Variants in SEMA4F observed in about 807,000 individuals in gnomAD.
SEMA4F encodes the protein ssemaphorin 4F, also known as semaphorin-4F.
SEMA4F carries 51 observed loss-of-function variants against 78.4 expected under a neutral mutation model. The observed-to-expected ratio is 0.65, with a 90% CI of 0.52 to 0.82. The LOEUF (loss-of-function observed/expected upper bound fraction) is 0.82. Ranked by LOEUF, SEMA4F falls within the 40% of genes least tolerant of loss-of-function variation. SEMA4F has a pLI of 0.00. For synonymous variants in SEMA4F, 418 were observed against 408.7 expected, an observed-to-expected ratio of 1.02 and a Z score of -0.27; for missense variants, 938 against 1,014.4, an observed-to-expected ratio of 0.92 and a Z score of 1.02.
the SEMA4F span, among the ~76,000 whole-genome samples, chr2:74,705,892 A>G: frequency 6.6e-6 from 1 of 152,164 alleles, no homozygotes; most frequent in African/African-American, 2.4e-5. Context: ...TAAAGTTTCA[A>G]AAGATATGTA....
At chr2:74,686,944 G>A (rs1051380639), downstream of SEMA4F, among the ~76,000 whole-genome samples, 2 of 151,462 alleles carry the variant, frequency 1.3e-5, no homozygotes, top group African/African-American at 4.9e-5. Context: ...TGAGTTGATG[G>A]GTGCAGCAAA....
At chr2:74,660,477 C>T (rs1166357933) in intron 4 of SEMA4F, among the ~76,000 whole-genome samples, 1 of 152,250 alleles carries the variant, frequency 6.6e-6, no homozygotes, top group African/African-American at 2.4e-5. Flanking sequence ...AGGACCAGTT[C>T]CAACCCATAG....
Position 74,680,860 on chromosome 2 carries a change from C to G in SEMA4F, c.*651C>G, listed in dbSNP as rs963076994. On this transcript the variant is annotated 3_prime_UTR_variant, in exon 14 of 14. Transcript: ENST00000357877. ...ACAATTGGAATGGGGGCGTTGCCTG[C>G]AGAACTTTAGACCCTGTAGCCATAG... The G allele has an allele frequency of 1.3e-5, 2 of 152,188 alleles. No individual in the cohort carries two copies. The highest frequency in any genetic ancestry group is 2.9e-5 in the Non-Finnish European group (2 of 68,062). The allele number at this position is 152,188 out of a possible 1,614,324, so 9.4% of individuals were successfully genotyped here.
chr2:74,691,558 C>A, the SEMA4F span, among the ~76,000 whole-genome samples: 3 of 152,312 alleles, frequency 2.0e-5, no homozygotes, highest in Non-Finnish European at 4.4e-5. Flanking sequence ...CTTTTCCAAA[C>A]CTTGCATGTT....
downstream of SEMA4F, among the ~76,000 whole-genome samples, chr2:74,688,481 G>T (rs1422009832): frequency 1.3e-5 from 2 of 152,074 alleles, no homozygotes; most frequent in Admixed American, 6.5e-5. Context: ...TCAGTAACAG[G>T]CTAACATTAC....
At chr2:74,668,048 T>G (rs573128373) in intron 5 of SEMA4F, among the ~76,000 whole-genome samples, 1 of 152,212 alleles carries the variant, frequency 6.6e-6, no homozygotes, top group Non-Finnish European at 1.5e-5. Context: ...CCTGCTTCTC[T>G]GTCAGTCTTC....
intron 5 of SEMA4F, among the ~76,000 whole-genome samples, chr2:74,666,048 C>T (rs187313220): frequency 9.9e-4 from 150 of 152,214 alleles, no homozygotes; most frequent in African/African-American, 3.4e-3. Flanking sequence ...GCTGAGATTA[C>T]AGGCGCCCAC....
chr2:74,679,941 G>A lies in SEMA4F; in HGVS notation c.2045G>A (p.Arg682Gln), dbSNP rs779404292. 58 of 1,614,094 alleles carry A rather than the reference G, an allele frequency of 3.6e-5. No homozygotes were observed. In the Admixed American group the frequency reaches 4.0e-4, roughly 11 times the overall value. The change falls in exon 14 of 14, where the codon CGG becomes CAG. Residue 682 changes from arginine to glutamine, a missense_variant. By Grantham distance (43) the Arg-to-Gln change is conservative (BLOSUM62 1). Transcript: ENST00000357877. ...AASLTLILIGRRQQRRRQREL... is the reference protein window; with the variant it reads ...AASLTLILIGQRQQRRRQREL... ...TCCCTGACTCTCATTCTGATTGGTC[G>A]GCGTCAGCAGCGACGGCGACAGAGG...
At chr2:74,659,715 T>C (rs1209432265) in intron 4 of SEMA4F, among the ~76,000 whole-genome samples, 1 of 152,208 alleles carries the variant, frequency 6.6e-6, no homozygotes, top group Non-Finnish European at 1.5e-5. Flanking sequence ...ACCTGTCTTA[T>C]CCTACTACCC....
rs1358193089 is a variant in SEMA4F, at chr2:74,669,176, C to T, written c.551-4281C>T. The stretch of plus-strand genomic sequence containing the variant: ...AAAAAAAATTAGCCAGGCATAGTGG[C>T]GCATGCCTGTGGTCCCAGCTACCTG... On this transcript the variant is annotated intron_variant, in intron 5 of 13. Coordinates refer to ENST00000357877, the MANE Select transcript of SEMA4F (RefSeq NM_004263.5). Among the ~76,000 whole-genome samples, 7 of 152,134 alleles carry T rather than the reference C, an allele frequency of 4.6e-5. No individual in the cohort carries two copies. In the East Asian group the frequency reaches 1.4e-3, roughly 30 times the overall value.
At chr2:74,684,686 C>T (rs1685776592), downstream of SEMA4F, among the ~76,000 whole-genome samples, 1 of 152,162 alleles carries the variant, frequency 6.6e-6, no homozygotes, top group Non-Finnish European at 1.5e-5. Context: ...GCCACAGGGT[C>T]AGCGCGGTGG....
chr2:74,678,043 C>T (rs1685387913), intron 12 of SEMA4F, among the ~76,000 whole-genome samples: 1 of 152,204 alleles, frequency 6.6e-6, no homozygotes, highest in Admixed American at 6.5e-5. Flanking sequence ...TCTTGGATGA[C>T]AGGCTTGGCC....
At chr2:74,700,114 G>C in the SEMA4F span, among the ~76,000 whole-genome samples, 1 of 152,090 alleles carries the variant, frequency 6.6e-6, no homozygotes. Context: ...GAAGAGCGTT[G>C]GGGGCATGAA....
chr2:74,655,005 C>T (rs189387260), intron 1 of SEMA4F, among the ~76,000 whole-genome samples: 2 of 152,316 alleles, frequency 1.3e-5, no homozygotes, highest in African/African-American at 4.8e-5. Context: ...CTTTCCATTC[C>T]GATCTCCAGG....
chr2:74,697,431 T>C, the SEMA4F span, among the ~76,000 whole-genome samples: 1 of 152,302 alleles, frequency 6.6e-6, no homozygotes, highest in East Asian at 1.9e-4. Context: ...TCTAATTTTA[T>C]CCTCAAAGTA....
the SEMA4F span, among the ~76,000 whole-genome samples, chr2:74,697,599 G>A: frequency 6.6e-6 from 1 of 152,250 alleles, no homozygotes; most frequent in Non-Finnish European, 1.5e-5. Flanking sequence ...AGCATTTTGA[G>A]AGGGCAACAC....
At chr2:74,666,566 A>G (rs765023119) in intron 5 of SEMA4F, among the ~76,000 whole-genome samples, 5 of 152,192 alleles carry the variant, frequency 3.3e-5, no homozygotes, top group Admixed American at 6.5e-5. Flanking sequence ...CATAGTCAAT[A>G]CTAATATTAT....
intron 2 of SEMA4F, among the ~76,000 whole-genome samples, chr2:74,657,027 A>G (rs1161342538): frequency 6.6e-6 from 1 of 152,172 alleles, no homozygotes; most frequent in Non-Finnish European, 1.5e-5. Context: ...TTAGAACTAT[A>G]CAGTTTGAGC....
chr2:74,669,585 A>AAACAACAACAAC (rs150974049), intron 5 of SEMA4F, among the ~76,000 whole-genome samples: 5 of 151,444 alleles, frequency 3.3e-5, no homozygotes, highest in African/African-American at 1.2e-4. Flanking sequence ...ACTCTGTCTC[A>AAACAACAACAAC]AACAACAACA....
Sources: allele counts gnomAD v4.1 joint callset (sites outside exome capture counted in the v4.1 genomes callset), GRCh38; gene constraint gnomAD v4.1.1; transcripts MANE v1.5; gene names NCBI Gene and HGNC (gene_info 2026-07-23, HGNC 2026-07-21).